Variants in DPYD observed in about 807,000 individuals in gnomAD.
The protein encoded by DPYD is dihydropyrimidine dehydrogenase.
A neutral mutation model predicts 116.2 loss-of-function variants in DPYD; 109 were observed. The observed-to-expected ratio is 0.94, with a 90% CI of 0.80 to 1.10. The LOEUF (loss-of-function observed/expected upper bound fraction) is 1.10, where lower values mean the gene tolerates loss of function less well. Among genes scored for constraint, DPYD ranks in the 50% least tolerant of loss-of-function variants. DPYD has a pLI of 0.00. For missense variants in DPYD, 1,302 were observed against 1,254.5 expected, an observed-to-expected ratio of 1.04 and a Z score of -0.57; for synonymous variants, 440 against 432.0, an observed-to-expected ratio of 1.02 and a Z score of -0.23.
intron 13 of DPYD, among the ~76,000 whole-genome samples, chr1:97,479,659 G>A (rs1358422386): frequency 2.6e-5 from 4 of 152,270 alleles, no homozygotes; most frequent in South Asian, 2.1e-4. Flanking sequence ...AGACTTGCTC[G>A]AAGAAAGGTT....
At chr1:97,834,335 T>C (rs924370913) in intron 2 of DPYD, among the ~76,000 whole-genome samples, 4 of 151,896 alleles carry the variant, frequency 2.6e-5, no homozygotes, top group African/African-American at 4.8e-5. Flanking sequence ...TGCTAATCAT[T>C]GAGACACCAA....
At chr1:97,542,045 C>A (rs1650487127) in intron 12 of DPYD, among the ~76,000 whole-genome samples, 1 of 152,266 alleles carries the variant, frequency 6.6e-6, no homozygotes, top group African/African-American at 2.4e-5. Context: ...AAACGCTTTT[C>A]TTCACATTAA....
At chr1:97,815,410 C>T (rs1668551628) in intron 3 of DPYD, among the ~76,000 whole-genome samples, 1 of 152,048 alleles carries the variant, frequency 6.6e-6, no homozygotes, top group Non-Finnish European at 1.5e-5. Flanking sequence ...AAGAGGAGGA[C>T]ATAGCTGCCA....
At position 97,515,741 on chromosome 1, in the gene DPYD, A is replaced by G. The variant is rs538115714; in HGVS notation, c.1725T>C (p.Thr575=). Residue 575 remains threonine, a synonymous_variant, in exon 13 of 23, where the codon ACT becomes ACC. Transcript: ENST00000370192. ...ATTTTCTTACCTTATCAAGAGAGAA[A>G]GTTTTGGTGAGGGCAAAACCCCATC... ...EAGWGFALTK[T]FSLDKDIVTN... is the part of the protein sequence containing the mutation. 1 of 1,612,646 alleles carries G rather than the reference A, an allele frequency of 6.2e-7. No individual in the cohort carries two copies. Among genetic ancestry groups the G allele is most frequent in the South Asian group, 1.1e-5 (1 of 91,056 alleles).
At chr1:97,917,196 T>C (rs1316256125) in intron 1 of DPYD, among the ~76,000 whole-genome samples, 1 of 152,210 alleles carries the variant, frequency 6.6e-6, no homozygotes, top group Non-Finnish European at 1.5e-5. Flanking sequence ...GACTGATGCT[T>C]ACACATTCAG....
At chr1:97,719,290 G>T (rs12743854) in intron 5 of DPYD, among the ~76,000 whole-genome samples, 7 of 150,754 alleles carry the variant, frequency 4.6e-5, no homozygotes, top group Non-Finnish European at 8.8e-5. Context: ...AACTGGAGAA[G>T]AATAAGGTAT....
chr1:97,157,965 C>T (rs1655600402), intron 20 of DPYD, among the ~76,000 whole-genome samples: 1 of 152,034 alleles, frequency 6.6e-6, no homozygotes, highest in Non-Finnish European at 1.5e-5. Context: ...AATCAGGCAT[C>T]ACATATTTGG....
intron 18 of DPYD, among the ~76,000 whole-genome samples, chr1:97,288,102 A>C (rs1665856499): frequency 6.6e-6 from 1 of 151,644 alleles, no homozygotes; most frequent in Admixed American, 6.6e-5. Flanking sequence ...CCATTACATA[A>C]TGGTAAAGGG....
intron 20 of DPYD, among the ~76,000 whole-genome samples, chr1:97,114,047 C>G (rs1175526067): frequency 6.6e-6 from 1 of 152,108 alleles, no homozygotes; most frequent in Non-Finnish European, 1.5e-5. Flanking sequence ...GAAATTACAT[C>G]ATCATTCCTA....
chr1:97,490,398 T>G (rs1441556397), intron 13 of DPYD, among the ~76,000 whole-genome samples: 2 of 148,032 alleles, frequency 1.4e-5, no homozygotes, highest in Non-Finnish European at 3.0e-5. Context: ...ATATTACATA[T>G]ATTACAATTA....
intron 4 of DPYD, among the ~76,000 whole-genome samples, chr1:97,739,258 G>A (rs1664131972): frequency 6.6e-6 from 1 of 151,974 alleles, no homozygotes; most frequent in South Asian, 2.1e-4. Context: ...AAAAATTGTT[G>A]AGTAATCACT....
chr1:97,850,525 C>A (rs1670517914), intron 2 of DPYD, among the ~76,000 whole-genome samples: 2 of 152,152 alleles, frequency 1.3e-5, no homozygotes, highest in African/African-American at 4.8e-5. Flanking sequence ...CATATGAATT[C>A]TTTAAAACAA....
At chr1:97,711,556 T>C (rs1177109205) in intron 5 of DPYD, among the ~76,000 whole-genome samples, 1 of 151,944 alleles carries the variant, frequency 6.6e-6, no homozygotes, top group Non-Finnish European at 1.5e-5. Context: ...AGTCACTGTT[T>C]TTTAGTACAT....
At chr1:97,351,260 C>T (rs896980556) in intron 16 of DPYD, among the ~76,000 whole-genome samples, 68 of 152,064 alleles carry the variant, frequency 4.5e-4, no homozygotes, top group African/African-American at 1.5e-3. Flanking sequence ...CATCTGGAAG[C>T]TGACAGGGCA....
At chr1:97,748,155 A>G (rs1478671074) in intron 3 of DPYD, among the ~76,000 whole-genome samples, 1 of 152,176 alleles carries the variant, frequency 6.6e-6, no homozygotes, top group Admixed American at 6.5e-5. Flanking sequence ...ACGGGATTTC[A>G]GAAGAAGGAA....
intron 16 of DPYD, among the ~76,000 whole-genome samples, chr1:97,341,080 A>G (rs1364282961): frequency 1.3e-5 from 2 of 152,172 alleles, no homozygotes; most frequent in Non-Finnish European, 2.9e-5. Flanking sequence ...GAGGAGTACC[A>G]TGACATTAGG....
At chr1:97,377,606 C>A (rs1237964805) in intron 15 of DPYD, among the ~76,000 whole-genome samples, 1 of 152,306 alleles carries the variant, frequency 6.6e-6, no homozygotes, top group South Asian at 2.1e-4. Context: ...TATAAAAACA[C>A]CCAGAGAAAC....
chr1:97,467,792 G>T (rs918787137), intron 13 of DPYD, among the ~76,000 whole-genome samples: 5 of 152,108 alleles, frequency 3.3e-5, no homozygotes, highest in Non-Finnish European at 5.9e-5. Context: ...GAATAAAAGA[G>T]ACAAATAATA....
At chr1:97,473,805 G>C (rs1677792230) in intron 13 of DPYD, among the ~76,000 whole-genome samples, 1 of 152,108 alleles carries the variant, frequency 6.6e-6, no homozygotes, top group Admixed American at 6.6e-5. Flanking sequence ...CCAGTAGTTT[G>C]AGACCAGCCT....
Sources: gnomAD v4.1 joint callset for allele counts (sites outside exome capture counted in the v4.1 genomes callset) on GRCh38, gnomAD v4.1.1 for gene constraint, MANE v1.5 for transcripts, NCBI Gene and HGNC (gene_info 2026-07-23, HGNC 2026-07-21) for gene names.